DSCAM: variants seen among roughly 807,000 people sequenced by gnomAD.
DSCAM encodes the protein cell adhesion molecule DSCAM.
A neutral mutation model predicts 217.7 loss-of-function variants in DSCAM; 47 were observed. That is an observed-to-expected ratio of 0.22 (90% CI 0.17 to 0.28). The LOEUF (loss-of-function observed/expected upper bound fraction) is 0.28. DSCAM is among the 10% of genes least tolerant of loss of function. The probability of loss-of-function intolerance (pLI) is 1.00; values close to 1 mark genes in which losing one functional copy is unlikely to be tolerated. For synonymous variants in DSCAM, 1,056 were observed against 1,015.3 expected (o/e 1.04, Z -0.76); for missense variants, 2,080 against 2,618.3 (o/e 0.79, Z 4.49).
chr21:40,179,847 G>T (rs963027216), intron 14 of DSCAM, among the ~76,000 whole-genome samples: 6 of 152,170 alleles, frequency 3.9e-5, no homozygotes, highest in Admixed American at 2.0e-4. Flanking sequence ...GTCAATACGT[G>T]GTTCTTATAT....
chr21:40,842,529 C>T (rs2092111626), intron 1 of DSCAM, among the ~76,000 whole-genome samples: 1 of 152,124 alleles, frequency 6.6e-6, no homozygotes, highest in Non-Finnish European at 1.5e-5. Context: ...ATTTTGCAAA[C>T]ATAAATTTCC....
chr21:40,224,977 A>G (rs2091319064), intron 11 of DSCAM, among the ~76,000 whole-genome samples: 1 of 152,208 alleles, frequency 6.6e-6, no homozygotes, highest in African/African-American at 2.4e-5. Context: ...AGTTGGTTTG[A>G]ATTAGAAACT....
chr21:40,127,312 T>A (rs2090104842), intron 19 of DSCAM, among the ~76,000 whole-genome samples: 1 of 152,106 alleles, frequency 6.6e-6, no homozygotes, highest in Non-Finnish European at 1.5e-5. Context: ...ACACTGAGAG[T>A]TGCAGAAGAC....
At chr21:40,483,419 T>C (rs187470105) in intron 3 of DSCAM, among the ~76,000 whole-genome samples, 74 of 152,340 alleles carry the variant, frequency 4.9e-4, no homozygotes, top group Admixed American at 7.2e-4. Flanking sequence ...AATATATTTA[T>C]TTAAGTTGGC....
intron 3 of DSCAM, among the ~76,000 whole-genome samples, chr21:40,497,405 G>A (rs982459934): frequency 2.1e-5 from 3 of 140,812 alleles, no homozygotes; most frequent in African/African-American, 7.8e-5. Context: ...TCTCATATGT[G>A]AAATCTAAAA....
intron 3 of DSCAM, among the ~76,000 whole-genome samples, chr21:40,591,386 A>C (rs1212874476): frequency 1.3e-5 from 2 of 152,228 alleles, no homozygotes; most frequent in Non-Finnish European, 2.9e-5. Flanking sequence ...CCAATAAAGT[A>C]CTGAGTATCC....
At chr21:40,387,908 A>C (rs1484736570) in intron 3 of DSCAM, among the ~76,000 whole-genome samples, 1 of 152,226 alleles carries the variant, frequency 6.6e-6, no homozygotes, top group Non-Finnish European at 1.5e-5. Flanking sequence ...TATTTATATT[A>C]GACACAGTTG....
chr21:40,361,415 T>A (rs1421558471), intron 4 of DSCAM, among the ~76,000 whole-genome samples: 1 of 152,098 alleles, frequency 6.6e-6, no homozygotes, highest in East Asian at 1.9e-4. Context: ...GGTCAGGAGA[T>A]CGAGCCCATC....
At chr21:40,685,840 T>G (rs2090466662) in intron 3 of DSCAM, among the ~76,000 whole-genome samples, 1 of 152,102 alleles carries the variant, frequency 6.6e-6, no homozygotes, top group Non-Finnish European at 1.5e-5. Flanking sequence ...GCTTAAGAAG[T>G]GGAATATTCA....
intron 3 of DSCAM, among the ~76,000 whole-genome samples, chr21:40,532,207 C>G (rs915866208): frequency 3.9e-5 from 6 of 151,984 alleles, no homozygotes; most frequent in African/African-American, 1.5e-4. Context: ...CAAAGAAATT[C>G]CTTTAAAATT....
intron 24 of DSCAM, among the ~76,000 whole-genome samples, chr21:40,081,970 A>G (rs1038719176): frequency 2.0e-5 from 3 of 152,110 alleles, no homozygotes; most frequent in Non-Finnish European, 4.4e-5. Flanking sequence ...TTTGAGCCTA[A>G]AACCTAGGGT....
intron 4 of DSCAM, among the ~76,000 whole-genome samples, chr21:40,364,618 T>C (rs1434507884): frequency 1.3e-5 from 2 of 151,218 alleles, no homozygotes; most frequent in Non-Finnish European, 2.9e-5. Context: ...ACATGGCACA[T>C]ATATACATAT....
At chr21:40,710,138 T>C (rs2090763092) in intron 1 of DSCAM, among the ~76,000 whole-genome samples, 1 of 152,236 alleles carries the variant, frequency 6.6e-6, no homozygotes, top group Non-Finnish European at 1.5e-5. Context: ...ATGTCTTCTT[T>C]TGAGAAGAGT....
At chr21:40,662,953 C>A (rs780514746) in intron 3 of DSCAM, among the ~76,000 whole-genome samples, 12 of 152,032 alleles carry the variant, frequency 7.9e-5, no homozygotes, top group Non-Finnish European at 1.2e-4. Flanking sequence ...GGGGAGAGTG[C>A]CTGAGGTGTC....
At chr21:40,242,143 C>T (rs1428399321) in intron 11 of DSCAM, among the ~76,000 whole-genome samples, 2 of 151,352 alleles carry the variant, frequency 1.3e-5, no homozygotes, top group African/African-American at 4.9e-5. Context: ...ACCCCTGAAC[C>T]TAAAAGTTTT....
chr21:40,643,888 T>C (rs1036452354), intron 3 of DSCAM, among the ~76,000 whole-genome samples: 10 of 152,214 alleles, frequency 6.6e-5, no homozygotes, highest in Admixed American at 4.6e-4. Context: ...TGTGTGAAAA[T>C]ACATTTATGT....
At chr21:40,217,985 CA>C (rs1160894759) in intron 11 of DSCAM, among the ~76,000 whole-genome samples, 3 of 152,146 alleles carry the variant, frequency 2.0e-5, no homozygotes, top group African/African-American at 7.2e-5. Flanking sequence ...TTTTGCTATG[CA>C]GAAGCTCTGA....
intron 27 of DSCAM, among the ~76,000 whole-genome samples, chr21:40,066,245 C>T (rs2089205158): frequency 6.6e-6 from 1 of 152,246 alleles, no homozygotes; most frequent in Non-Finnish European, 1.5e-5. Context: ...AGTGAAGCTG[C>T]ACAAAGATTT....
At chr21:40,134,079 C>T in intron 18 of DSCAM, 70 bp from the exon 19 acceptor site, 3 of 1,536,228 alleles carry the variant, frequency 2.0e-6, no homozygotes, top group Non-Finnish European at 2.6e-6. Flanking sequence ...CCGCACTGTC[C>T]CCACTGACTG....
Sources: allele counts gnomAD v4.1 joint callset (sites outside exome capture counted in the v4.1 genomes callset), GRCh38; gene constraint gnomAD v4.1.1; transcripts MANE v1.5; gene names NCBI Gene and HGNC (gene_info 2026-07-23, HGNC 2026-07-21).